FHIT: variants seen among roughly 807,000 people sequenced by gnomAD.
FHIT encodes the protein bis(5'-adenosyl)-triphosphatase.
Under a neutral mutation model 17.9 loss-of-function variants are expected in FHIT, and 19 were observed. The observed-to-expected ratio is 1.06, with a 90% CI of 0.74 to 1.56. The LOEUF (loss-of-function observed/expected upper bound fraction) is 1.56, where lower values mean the gene tolerates loss of function less well. Ranked by LOEUF, FHIT falls within the 40% of genes most tolerant of loss-of-function variation. The probability of loss-of-function intolerance (pLI) is 0.00; values close to 1 mark genes in which losing one functional copy is unlikely to be tolerated. For synonymous variants in FHIT, 81 were observed against 69.7 expected (o/e 1.16, Z -0.81); for missense variants, 248 against 189.2 (o/e 1.31, Z -1.82).
At chr3:61,248,912 A>C (rs1172131988) in intron 1 of FHIT, among the ~76,000 whole-genome samples, 1 of 152,242 alleles carries the variant, frequency 6.6e-6, no homozygotes, top group African/African-American at 2.4e-5. Flanking sequence ...CCTCATTTAT[A>C]AAATAAGAGT....
chr3:60,403,014 A>C (rs1340007434), intron 5 of FHIT, among the ~76,000 whole-genome samples: 1 of 152,218 alleles, frequency 6.6e-6, no homozygotes, highest in Non-Finnish European at 1.5e-5. Flanking sequence ...CCAATAGTGC[A>C]AAACAAAGGT....
chr3:60,372,309 C>T (rs1421739012), intron 5 of FHIT, among the ~76,000 whole-genome samples: 1 of 152,182 alleles, frequency 6.6e-6, no homozygotes, highest in Non-Finnish European at 1.5e-5. Context: ...ACCACCCCTT[C>T]ACCACCACCC....
At position 60,291,089 on chromosome 3, in the gene FHIT, G is replaced by A. The variant is rs552771558; in HGVS notation, c.103+245771C>T. On this transcript the variant is annotated intron_variant, in intron 5 of 9. Coordinates refer to ENST00000492590, the MANE Select transcript of FHIT (RefSeq NM_002012.4). The stretch of plus-strand genomic sequence containing the variant: ...TAATCAGGTTCATTGTCTCACAGCT[G>A]AGGAAATCAAGGCTGCAGACACACA... 7.2e-5 allele frequency among the ~76,000 whole-genome samples: 11 copies of A among 152,282 alleles called. No homozygotes were observed. In the South Asian group the frequency reaches 2.3e-3, roughly 32 times the overall value.
At chr3:60,309,662 A>G (rs558653522) in intron 5 of FHIT, among the ~76,000 whole-genome samples, 45 of 152,216 alleles carry the variant, frequency 3.0e-4, no homozygotes, top group African/African-American at 1.0e-3. Context: ...TCTCCTCAGT[A>G]AGCCAACAGA....
intron 3 of FHIT, among the ~76,000 whole-genome samples, chr3:61,027,895 T>C (rs919281892): frequency 3.9e-5 from 6 of 152,170 alleles, no homozygotes; most frequent in African/African-American, 7.2e-5. Context: ...AAATTAATAA[T>C]AAACACACAT....
intron 4 of FHIT, among the ~76,000 whole-genome samples, chr3:60,782,762 A>G (rs1245737783): frequency 1.3e-5 from 2 of 152,298 alleles, no homozygotes; most frequent in South Asian, 4.1e-4. Flanking sequence ...TCAAGGTGCC[A>G]GTAGATTAAG....
At chr3:61,208,117 G>A (rs1431809320) in intron 1 of FHIT, among the ~76,000 whole-genome samples, 1 of 152,136 alleles carries the variant, frequency 6.6e-6, no homozygotes, top group Non-Finnish European at 1.5e-5. Context: ...CCATGTAATT[G>A]AGTGGTTTTG....
At chr3:60,649,620 G>C (rs1334702348) in intron 4 of FHIT, among the ~76,000 whole-genome samples, 1 of 152,168 alleles carries the variant, frequency 6.6e-6, no homozygotes, top group Non-Finnish European at 1.5e-5. Context: ...ATTACTGGAT[G>C]TGTCAATTGT....
intron 5 of FHIT, among the ~76,000 whole-genome samples, chr3:60,512,119 A>T (rs2107545505): frequency 6.6e-6 from 1 of 152,322 alleles, no homozygotes; most frequent in East Asian, 1.9e-4. Context: ...AATCACCAAC[A>T]AATGCTAAAA....
chr3:60,309,948 T>C (rs1708865596), intron 5 of FHIT, among the ~76,000 whole-genome samples: 1 of 152,102 alleles, frequency 6.6e-6, no homozygotes. Context: ...CACTTCACAT[T>C]CGAGTGTCTC....
chr3:59,866,774 T>C (rs1009436106), intron 8 of FHIT, among the ~76,000 whole-genome samples: 3 of 151,674 alleles, frequency 2.0e-5, no homozygotes, highest in Non-Finnish European at 2.9e-5. Context: ...CTTCTGTAGA[T>C]AGCTTCTGGC....
chr3:60,361,597 A>G (rs1699908598), intron 5 of FHIT, among the ~76,000 whole-genome samples: 1 of 152,176 alleles, frequency 6.6e-6, no homozygotes, highest in Admixed American at 6.6e-5. Context: ...TTGGGCAACT[A>G]CTGAGTCAGT....
At chr3:61,183,909 C>T (rs1262678927) in intron 2 of FHIT, among the ~76,000 whole-genome samples, 2 of 151,890 alleles carry the variant, frequency 1.3e-5, no homozygotes, top group Non-Finnish European at 2.9e-5. Context: ...CATAAATGCT[C>T]CTTCTCAAAT....
intron 2 of FHIT, among the ~76,000 whole-genome samples, chr3:61,064,032 G>A (rs9860195): frequency 0.55 from 83,397 of 151,786 alleles, 24,033 homozygotes; most frequent in Non-Finnish European, 0.65. Context: ...GCAGGTGGTA[G>A]TGTGTCCAGG....
At chr3:60,643,149 T>C (rs1213123238) in intron 4 of FHIT, among the ~76,000 whole-genome samples, 2 of 152,166 alleles carry the variant, frequency 1.3e-5, no homozygotes, top group Non-Finnish European at 2.9e-5. Flanking sequence ...TGAATGAGTC[T>C]TCACTGCAAG....
chr3:60,944,347 T>C (rs1553775264), intron 3 of FHIT, among the ~76,000 whole-genome samples: 1 of 149,576 alleles, frequency 6.7e-6, no homozygotes, highest in Non-Finnish European at 1.5e-5. Context: ...TTTTTTTTCC[T>C]CCATCAACTC....
intron 5 of FHIT, among the ~76,000 whole-genome samples, chr3:60,038,977 T>G (rs1005151006): frequency 6.6e-6 from 1 of 152,140 alleles, no homozygotes; most frequent in African/African-American, 2.4e-5. Context: ...GTCAGGAATT[T>G]TGGATCATCT....
At chr3:60,349,503 C>T (rs1307091964) in intron 5 of FHIT, among the ~76,000 whole-genome samples, 2 of 152,164 alleles carry the variant, frequency 1.3e-5, no homozygotes, top group African/African-American at 4.8e-5. Flanking sequence ...CCAATCCCTA[C>T]AATTAAGGAG....
intron 8 of FHIT, among the ~76,000 whole-genome samples, chr3:59,844,610 G>A (rs536757999): frequency 6.6e-6 from 1 of 152,254 alleles, no homozygotes; most frequent in South Asian, 2.1e-4. Flanking sequence ...GCTCTGCTGT[G>A]ATGTATTGTA....
Sources: allele counts gnomAD v4.1 joint callset (sites outside exome capture counted in the v4.1 genomes callset), GRCh38; gene constraint gnomAD v4.1.1; transcripts MANE v1.5; gene names NCBI Gene and HGNC (gene_info 2026-07-23, HGNC 2026-07-21).